HELB: variants seen among roughly 807,000 people sequenced by gnomAD.
HELB encodes the protein DNA 5'-3' helicase B.
HELB carries 96 observed loss-of-function variants against 101.7 expected under a neutral mutation model. That is an observed-to-expected ratio of 0.94 (90% CI 0.80 to 1.12). HELB has a LOEUF of 1.12. Ranked by LOEUF, HELB falls within the 50% of genes most tolerant of loss-of-function variation. HELB has a pLI of 0.00. For synonymous variants in HELB, 437 were observed against 459.7 expected, an observed-to-expected ratio of 0.95 and a Z score of 0.63; for missense variants, 1,210 against 1,291.9, an observed-to-expected ratio of 0.94 and a Z score of 0.97.
intron 12 of HELB, among the ~76,000 whole-genome samples, chr12:66,333,941 C>T (rs529250632): frequency 6.6e-6 from 1 of 152,162 alleles, no homozygotes; most frequent in Non-Finnish European, 1.5e-5. Context: ...GAGAGAATCG[C>T]CTGAGCCCAG....
At chr12:66,304,359 A>T (rs191699617) in intron 1 of HELB, among the ~76,000 whole-genome samples, 1 of 152,332 alleles carries the variant, frequency 6.6e-6, no homozygotes, top group Non-Finnish European at 1.5e-5. Flanking sequence ...GTTAAGGCAG[A>T]TGGAATAACT....
In HELB at chr12:66,318,765, C is replaced by G. The variant is rs138227394; in HGVS notation, c.2128C>G (p.Gln710Glu). 6.2e-7 allele frequency: 1 copy of G among 1,609,036 alleles called. No homozygotes were observed. Among genetic ancestry groups the G allele is most frequent in the Non-Finnish European group, 8.5e-7 (1 of 1,178,448 alleles). ...VRLPEEDASSQSSKTNHHSCL... is the reference protein window; with the variant it reads ...VRLPEEDASSESSKTNHHSCL... ...GCTCCCAGAAGAGGATGCCAGTTCT[C>G]AGTCATCTAAAACTAATCATCACTC... The change falls in exon 7 of 13, where the codon CAG becomes GAG. Residue 710 changes from glutamine (Q) to glutamate (E), a missense_variant. Coordinates refer to ENST00000247815, the MANE Select transcript of HELB (RefSeq NM_001370285.1).
chr12:66,331,657 G>T lies in HELB; in HGVS notation c.3162+12G>T, dbSNP rs776142022. Reference sequence around the variant, plus strand: ...GCAAAATTTTTATGGTAGGAGTGATGTTTCCATGTTCCCAAGTTTTATTTA... The same window carrying T: ...GCAAAATTTTTATGGTAGGAGTGATTTTTCCATGTTCCCAAGTTTTATTTA... On this transcript the variant is annotated intron_variant, in intron 12 of 12. Coordinates refer to ENST00000247815, the MANE Select transcript of HELB (RefSeq NM_001370285.1). The T allele has an allele frequency of 6.3e-7, 1 of 1,579,826 alleles. No individual in the cohort carries two copies. The highest frequency in any genetic ancestry group is 1.1e-5 in the South Asian group (1 of 87,588).
chr12:66,304,617 G>C (rs1190897712), intron 1 of HELB, 114 bp from the exon 2 acceptor site: 3 of 923,054 alleles, frequency 3.3e-6, no homozygotes, highest in Non-Finnish European at 4.8e-6. Context: ...GACATCTTTA[G>C]AGAGTGCTGT....
At chr12:66,339,412 A>AT (rs1025633524), downstream of HELB, 5 of 151,790 alleles carry the variant, frequency 3.3e-5, no homozygotes, top group African/African-American at 1.2e-4. Flanking sequence ...AAGTGTTAGG[A>AT]TTACAAGTGT....
chr12:66,328,425 T>C (rs975257159), intron 11 of HELB, among the ~76,000 whole-genome samples: 1 of 151,934 alleles, frequency 6.6e-6, no homozygotes, highest in Non-Finnish European at 1.5e-5. Flanking sequence ...TAGCCAGACA[T>C]GGTGGCATGC....
chr12:66,318,079 A>G (rs2053630120), intron 6 of HELB, among the ~76,000 whole-genome samples: 1 of 152,238 alleles, frequency 6.6e-6, no homozygotes, highest in Admixed American at 6.5e-5. Flanking sequence ...GGAAAGTGGG[A>G]TTATATGTAG....
At chr12:66,302,966 A>G (rs2053423634) in intron 1 of HELB, among the ~76,000 whole-genome samples, 176 bp downstream of exon 1, 1 of 150,046 alleles carries the variant, frequency 6.7e-6, no homozygotes, top group East Asian at 1.9e-4. Flanking sequence ...AGTGACTTTA[A>G]CTGGACACAT....
chr12:66,325,348 C>T (rs537710307), intron 11 of HELB, among the ~76,000 whole-genome samples: 2 of 152,298 alleles, frequency 1.3e-5, no homozygotes, highest in South Asian at 2.1e-4. Flanking sequence ...AAAGTCTCCT[C>T]CTTCAGGTCT....
At chr12:66,330,108 G>A (rs185524493) in intron 11 of HELB, among the ~76,000 whole-genome samples, 278 of 152,320 alleles carry the variant, frequency 1.8e-3, no homozygotes, top group African/African-American at 5.9e-3. Flanking sequence ...TTTGGCAGGA[G>A]CAATGTCAGA....
intron 4 of HELB, among the ~76,000 whole-genome samples, chr12:66,311,813 T>TCTAGCC (rs2053548633): frequency 6.6e-6 from 1 of 152,212 alleles, no homozygotes; most frequent in Admixed American, 6.5e-5. Context: ...GAGAGGTTCC[T>TCTAGCC]CTAGCCCTAG....
chr12:66,322,731 T>A lies in HELB; in HGVS notation c.2245T>A (p.Cys749Ser). The A allele has an allele frequency of 3.1e-6, 5 of 1,610,230 alleles. No individual in the cohort carries two copies. The highest frequency in any genetic ancestry group is 3.4e-6 in the Non-Finnish European group (4 of 1,177,936). ...CATTTTCGTGTGTTTCAGGCAAGAC[T>A]GTGATCTAATTAATGACTGCTGCTG... ...SQFIAFRRQDCDLINDCCCKH... is the reference protein window; with the variant it reads ...SQFIAFRRQDSDLINDCCCKH... The change falls in exon 9 of 13, where the codon TGT becomes AGT. Residue 749 changes from cysteine (C) to serine (S), a missense_variant. Physicochemically the swap from Cys to Ser is moderately radical, Grantham distance 112 (BLOSUM62 -1). Around this residue, in one of 2 missense-constraint regions of HELB, gnomAD observed 740 missense variants for 728.8 expected, o/e 1.02. Coordinates refer to ENST00000247815, the MANE Select transcript of HELB (RefSeq NM_001370285.1).
Position 66,306,381 on chromosome 12 carries a change from C to T in HELB, c.644C>T (p.Pro215Leu), listed in dbSNP as rs780083932. 2.4e-5 allele frequency: 38 copies of T among 1,597,914 alleles called. No individual in the cohort carries two copies. Among genetic ancestry groups the T allele is most frequent in the East Asian group, 1.6e-4 (7 of 44,012 alleles). Residue 215 changes from proline (P) to leucine (L), a missense_variant, in exon 3 of 13, where the codon CCG (proline) becomes CTG (leucine). Physicochemically the swap from Pro to Leu is moderately conservative, Grantham distance 98. Transcript: ENST00000247815. ...FRNVMTALQFPKIMEFLPVLL... is the reference protein window; with the variant it reads ...FRNVMTALQFLKIMEFLPVLL... ...AATGTAATGACAGCTTTGCAGTTTC[C>T]GAAGATAATGGAATTCCTTCCAGTT...
rs1265337698 is a variant in HELB, at chr12:66,304,982, T to G, written c.439T>G (p.Trp147Gly). 1 of 1,613,962 alleles carries G rather than the reference T, an allele frequency of 6.2e-7. No individual in the cohort carries two copies. The highest frequency in any genetic ancestry group is 1.1e-5 in the South Asian group (1 of 91,064). Reference protein sequence around the residue: ...SSDDVNKFLTWVKEVSNYKNL... With the variant: ...SSDDVNKFLTGVKEVSNYKNL... ...TGATGATGTTAATAAATTTTTAACATGGGTAAAGGAGGTATCAAACTACAA... is the reference window on the plus strand; with the variant it reads ...TGATGATGTTAATAAATTTTTAACAGGGGTAAAGGAGGTATCAAACTACAA... Residue 147 changes from tryptophan (W) to glycine (G), a missense_variant, in exon 2 of 13, where the codon TGG becomes GGG. Transcript: ENST00000247815.
Position 66,315,365 on chromosome 12 carries a change from T to C in HELB, c.1982T>C (p.Ile661Thr). ...AACCATAGAGCAGAATCTCAGCTCA[T>C]TGTGGACAATGCTACAAGGTATAAT... ...KTNHRAESQL[I>T]VDNATRISRR... The change falls in exon 6 of 13, where the codon ATT becomes ACT. Residue 661 changes from isoleucine (I) to threonine (T), a missense_variant. Physicochemically the swap from Ile to Thr is moderately conservative, Grantham distance 89. Around this residue, in one of 2 missense-constraint regions of HELB, gnomAD observed 740 missense variants for 728.8 expected, o/e 1.02. Coordinates refer to ENST00000247815, the MANE Select transcript of HELB (RefSeq NM_001370285.1). 1 of 1,597,738 alleles carries C rather than the reference T, an allele frequency of 6.3e-7. No individual in the cohort carries two copies. Among genetic ancestry groups the C allele is most frequent in the Non-Finnish European group, 8.5e-7 (1 of 1,172,822 alleles).
intron 3 of HELB, 21 bp from the exon 4 acceptor site, chr12:66,309,685 C>T (rs773867396): frequency 1.3e-6 from 2 of 1,524,852 alleles, no homozygotes. Context: ...TATAAACCAA[C>T]CTGAACTTTA....
Position 66,331,410 on chromosome 12 carries a change from G to C in HELB, c.2927G>C (p.Gly976Ala). The C allele has an allele frequency of 6.2e-7, 1 of 1,614,216 alleles. No individual in the cohort carries two copies. The highest frequency in any genetic ancestry group is 8.5e-7 in the Non-Finnish European group (1 of 1,180,038). ...PSPRKSSGDS[G>A]GPSTPSASPL... ...CCACGGAAGAGCTCTGGAGACAGTG[G>C]AGGACCCAGCACACCGTCAGCATCT... is the stretch of plus-strand genomic sequence containing the variant. The change falls in exon 12 of 13, where the codon GGA (glycine) becomes GCA (alanine). Residue 976 changes from glycine (G) to alanine (A), a missense_variant. By Grantham distance (60) the Gly-to-Ala change is moderately conservative. Transcript: ENST00000247815.
Position 66,338,171 on chromosome 12 carries a change from AG to A in HELB, c.*70del. On this transcript the variant is annotated 3_prime_UTR_variant, in exon 13 of 13. Coordinates refer to ENST00000247815, the MANE Select transcript of HELB (RefSeq NM_001370285.1). ...GACAAAATGAACATCGTAACGTCAA[AG>A]TACCAAGATAAAAAAAGTTTCCTAT... 2 of 934,986 alleles carry A rather than the reference AG, an allele frequency of 2.1e-6. No homozygotes were observed. Among genetic ancestry groups the A allele is most frequent in the Non-Finnish European group, 3.4e-6 (2 of 582,196 alleles). The allele number at this position is 934,986 out of a possible 1,614,324, so 57.9% of individuals were successfully genotyped here. A position where few individuals can be genotyped will look rare whatever the true frequency, so the allele number is the denominator to read the frequency against.
chr12:66,324,636 C>T (rs1484314429), intron 10 of HELB: 2 of 282,626 alleles, frequency 7.1e-6, no homozygotes, highest in African/African-American at 2.2e-5. Context: ...GATACCCTCA[C>T]TGAAAGCTGT....
Sources: allele counts gnomAD v4.1 joint callset (sites outside exome capture counted in the v4.1 genomes callset), GRCh38; gene constraint gnomAD v4.1.1; regional missense constraint gnomAD v4.1.1; transcripts MANE v1.5; gene names NCBI Gene and HGNC (gene_info 2026-07-23, HGNC 2026-07-21).